APMAP: variants seen among roughly 807,000 people sequenced by gnomAD.
APMAP encodes the protein adipocyte plasma membrane-associated protein.
Under a neutral mutation model 43.6 loss-of-function variants are expected in APMAP, and 33 were observed. That is an observed-to-expected ratio of 0.76 (90% CI 0.57 to 1.01). The LOEUF is 1.01. Ranked by LOEUF, APMAP falls within the 50% of genes least tolerant of loss-of-function variation. The pLI is 0.00. For missense variants in APMAP, 498 were observed against 540.7 expected (o/e 0.92, Z 0.78); for synonymous variants, 224 against 216.7 (o/e 1.03, Z -0.30).
intron 4 of APMAP, among the ~76,000 whole-genome samples, chr20:24,972,240 G>A (rs1201951580): frequency 6.8e-6 from 1 of 147,086 alleles, no homozygotes; most frequent in Non-Finnish European, 1.5e-5. Flanking sequence ...GGGTGTTCAA[G>A]TGGAGTGCTC....
intron 3 of APMAP, among the ~76,000 whole-genome samples, chr20:24,974,866 A>G (rs1230308507): frequency 6.6e-6 from 1 of 152,210 alleles, no homozygotes; most frequent in Non-Finnish European, 1.5e-5. Flanking sequence ...ATGAAACTGC[A>G]AGGAGAAACA....
intron 1 of APMAP, among the ~76,000 whole-genome samples, chr20:24,988,619 T>C (rs2088167305): frequency 6.6e-6 from 1 of 152,212 alleles, no homozygotes. Context: ...TACATCAAGA[T>C]GACCTGGGCC....
At chr20:24,978,631 C>G in intron 3 of APMAP, 136 bp downstream of exon 3, 1 of 674,892 alleles carries the variant, frequency 1.5e-6, no homozygotes, top group Non-Finnish European at 2.6e-6. Context: ...GGGCCAAGTC[C>G]CACGTCCGCA....
chr20:24,988,390 A>T (rs545316922), intron 1 of APMAP, among the ~76,000 whole-genome samples: 1 of 152,350 alleles, frequency 6.6e-6, no homozygotes, highest in African/African-American at 2.4e-5. Flanking sequence ...GCCCCTTCAC[A>T]CAATAGTTAG....
At position 24,977,751 on chromosome 20, in the gene APMAP, T is replaced by C. The variant is rs201863521; in HGVS notation, c.328+1016A>G. ...CACTTCAACTGCTGTTAAGTTTCAGTTTTAAAGAGCAAGATTTGATTTTTC... is the reference window on the plus strand; with the variant it reads ...CACTTCAACTGCTGTTAAGTTTCAGCTTTAAAGAGCAAGATTTGATTTTTC... On this transcript the variant is annotated intron_variant, in intron 3 of 8. Coordinates refer to ENST00000217456, the MANE Select transcript of APMAP (RefSeq NM_020531.3). Among the ~76,000 whole-genome samples the C allele has an allele frequency of 5.9e-5, 9 of 152,348 alleles. No homozygotes were observed. The East Asian group carries it at 1.5e-3, about 26-fold the overall frequency.
chr20:24,992,307 G>A (rs1233139568), intron 1 of APMAP, among the ~76,000 whole-genome samples: 1 of 152,200 alleles, frequency 6.6e-6, no homozygotes, highest in African/African-American at 2.4e-5. Flanking sequence ...AGGGAGGGAA[G>A]GCAAAGGAGC....
chr20:24,972,408 G>C (rs2088012597), intron 4 of APMAP, among the ~76,000 whole-genome samples: 1 of 145,452 alleles, frequency 6.9e-6, no homozygotes, highest in Non-Finnish European at 1.5e-5. Context: ...TTACTGCAGG[G>C]TGTTCAAGTG....
At chr20:24,974,291 T>C (rs1347467115) in intron 3 of APMAP, 1 of 152,102 alleles carries the variant, frequency 6.6e-6, no homozygotes, top group Admixed American at 6.6e-5. Context: ...CAAATGTATA[T>C]TGCAAACTCA....
intron 1 of APMAP, 79 bp downstream of exon 1, chr20:24,992,515 G>A (rs1453400286): frequency 9.3e-6 from 11 of 1,185,872 alleles, no homozygotes; most frequent in Non-Finnish European, 1.2e-5. Context: ...TACTGTTACT[G>A]CCGTCGCCGC....
At chr20:24,969,726 G>T (rs982370474) in intron 6 of APMAP, 66 bp from the exon 7 acceptor site, 59 of 1,546,988 alleles carry the variant, frequency 3.8e-5, no homozygotes, top group Non-Finnish European at 5.1e-5. Flanking sequence ...GGCCTTCAGG[G>T]TATGGGCCTG....
chr20:24,971,928 G>A (rs1451472075), intron 4 of APMAP, among the ~76,000 whole-genome samples: 2 of 149,334 alleles, frequency 1.3e-5, no homozygotes, highest in African/African-American at 5.0e-5. Context: ...GGTGTTCACT[G>A]TGGGGTACTC....
At chr20:24,984,359 A>C (rs1173625654) in intron 1 of APMAP, among the ~76,000 whole-genome samples, 1 of 152,238 alleles carries the variant, frequency 6.6e-6, no homozygotes, top group African/African-American at 2.4e-5. Flanking sequence ...AGTTCTAATG[A>C]CATAAATGAT....
intron 3 of APMAP, among the ~76,000 whole-genome samples, chr20:24,973,953 C>T (rs967148068): frequency 6.6e-6 from 1 of 152,182 alleles, no homozygotes; most frequent in Non-Finnish European, 1.5e-5. Context: ...AGCCTGTGGG[C>T]ATGAACCTGA....
chr20:24,975,246 T>A (rs1166200451), intron 3 of APMAP, among the ~76,000 whole-genome samples: 3 of 152,182 alleles, frequency 2.0e-5, no homozygotes, highest in Non-Finnish European at 4.4e-5. Flanking sequence ...ACTTTCTTTG[T>A]TTGCAAGTGA....
At chr20:24,985,261 C>G (rs888647533) in intron 1 of APMAP, among the ~76,000 whole-genome samples, 4 of 151,924 alleles carry the variant, frequency 2.6e-5, no homozygotes, top group Admixed American at 6.6e-5. Context: ...TTTTCACAAA[C>G]GAATAAAGCA....
chr20:24,975,425 T>G (rs6132778), intron 3 of APMAP, among the ~76,000 whole-genome samples: 13,129 of 152,240 alleles, frequency 0.086, 717 homozygotes, highest in Middle Eastern at 0.19. Context: ...ACTATGTACA[T>G]TAGCATCCAA....
At chr20:24,986,840 T>C (rs1205518551) in intron 1 of APMAP, among the ~76,000 whole-genome samples, 1 of 152,208 alleles carries the variant, frequency 6.6e-6, no homozygotes, top group Non-Finnish European at 1.5e-5. Flanking sequence ...CGGTCACCAT[T>C]AGAAGCGCTG....
intron 7 of APMAP, 133 bp downstream of exon 7, chr20:24,969,393 A>G: frequency 7.2e-7 from 1 of 1,387,914 alleles, no homozygotes; most frequent in Non-Finnish European, 9.8e-7. Context: ...GCACCCTTGA[A>G]TTTTCTTTAA....
chr20:24,963,322 G>T lies in APMAP; in HGVS notation c.*491C>A. 1 of 161,044 alleles carries T rather than the reference G, an allele frequency of 6.2e-6. No individual in the cohort carries two copies. Among genetic ancestry groups the T allele is most frequent in the Non-Finnish European group, 1.4e-5 (1 of 73,252 alleles). The allele number at this position is 161,044 out of a possible 1,614,324, so 10.0% of individuals were successfully genotyped here. ...CTTGGCTAACACGGCTCTCACCGCTGGCCTCAACACCCCTGGGCCATGCTC... is the reference window on the plus strand; with the variant it reads ...CTTGGCTAACACGGCTCTCACCGCTTGCCTCAACACCCCTGGGCCATGCTC... On this transcript the variant is annotated 3_prime_UTR_variant, in exon 9 of 9. Coordinates refer to ENST00000217456, the MANE Select transcript of APMAP (RefSeq NM_020531.3).
Sources: allele counts gnomAD v4.1 joint callset (sites outside exome capture counted in the v4.1 genomes callset), GRCh38; gene constraint gnomAD v4.1.1; transcripts MANE v1.5; gene names NCBI Gene and HGNC (gene_info 2026-07-23, HGNC 2026-07-21).